Variants in CEP63 observed in about 807,000 individuals in gnomAD.
The protein encoded by CEP63 is centrosomal protein 63, also known as centrosomal protein of 63 kDa.
In CEP63, 84 loss-of-function variants were observed where a neutral mutation model predicts 89.1. The ratio of observed to expected loss-of-function variants is 0.94; its 90% confidence interval spans 0.79 to 1.13. The LOEUF is 1.13. Ranked by LOEUF, CEP63 falls within the 50% of genes most tolerant of loss-of-function variation. The probability of loss-of-function intolerance (pLI) is 0.00; values close to 1 mark genes in which losing one functional copy is unlikely to be tolerated. For missense variants in CEP63, 838 were observed against 813.3 expected, an observed-to-expected ratio of 1.03 and a Z score of -0.37; for synonymous variants, 267 against 272.5, an observed-to-expected ratio of 0.98 and a Z score of 0.20.
the CEP63 span, chr3:134,610,302 C>T: frequency 6.2e-7 from 1 of 1,613,756 alleles, no homozygotes; most frequent in Non-Finnish European, 8.5e-7. Flanking sequence ...CATGGTCAAA[C>T]TCCCCCGAGA....
chr3:134,610,631 C>T, the CEP63 span: 8 of 464,766 alleles, frequency 1.7e-5, no homozygotes, highest in Admixed American at 7.6e-5. Flanking sequence ...TCTGCTCCTC[C>T]CCTGAGACCA....
the CEP63 span, among the ~76,000 whole-genome samples, chr3:134,602,848 C>T: frequency 3.9e-5 from 6 of 152,252 alleles, no homozygotes; most frequent in South Asian, 1.0e-3. Flanking sequence ...TGCACAGCCA[C>T]AGCGGGCATG....
intron 10 of CEP63, among the ~76,000 whole-genome samples, chr3:134,584,027 G>A (rs1345006663): frequency 3.3e-5 from 5 of 152,178 alleles, no homozygotes; most frequent in African/African-American, 1.2e-4. Flanking sequence ...CATTGATTTT[G>A]TATCCTGAGA....
the CEP63 span, among the ~76,000 whole-genome samples, chr3:134,633,835 G>T: frequency 6.6e-6 from 1 of 152,108 alleles, no homozygotes; most frequent in Non-Finnish European, 1.5e-5. Flanking sequence ...CAGTTGATAT[G>T]TCTGTCTACA....
chr3:134,672,256 G>A, the CEP63 span, among the ~76,000 whole-genome samples: 18 of 152,212 alleles, frequency 1.2e-4, 1 homozygote, highest in East Asian at 7.7e-4. Flanking sequence ...CATCTGCCTC[G>A]TTAGGTTATT....
At chr3:134,577,415 GGCCTT>G (rs1432521938), downstream of CEP63, among the ~76,000 whole-genome samples, 1 of 145,124 alleles carries the variant, frequency 6.9e-6, no homozygotes. Context: ...ACTTTTTTGT[GGCCTT>G]TTCTAATCCA....
rs1954474921 is a variant in CEP63 at position 134,550,109 on chromosome 3, T to G, written c.1229T>G (p.Leu410Arg). 1 of 1,613,914 alleles carries G rather than the reference T, an allele frequency of 6.2e-7. No individual in the cohort carries two copies. The highest frequency in any genetic ancestry group is 8.5e-7 in the Non-Finnish European group (1 of 1,179,916). ...GGTGAACAAAGTTACAGTTCTGCACTAGAAGGAATGAAGATGGAAATCTCC... is the reference window on the plus strand; with the variant it reads ...GGTGAACAAAGTTACAGTTCTGCACGAGAAGGAATGAAGATGGAAATCTCC... ...LQGEQSYSSA[L>R]EGMKMEISHL... Residue 410 changes from leucine to arginine, a missense_variant, in exon 11 of 15, where the codon CTA becomes CGA. Physicochemically the swap from Leu to Arg is moderately radical, Grantham distance 102 (BLOSUM62 -2). Coordinates refer to ENST00000675561, the MANE Select transcript of CEP63 (RefSeq NM_001353108.3).
chr3:134,546,384 G>T, intron 8 of CEP63, 96 bp downstream of exon 8: 1 of 1,181,738 alleles, frequency 8.5e-7, no homozygotes, highest in Non-Finnish European at 1.2e-6. Flanking sequence ...TTTATTTTCA[G>T]ATAGTCTCCT....
At chr3:134,486,267 A>G in intron 1 of CEP63, 65 bp downstream of exon 1, 2 of 985,436 alleles carry the variant, frequency 2.0e-6, no homozygotes, top group African/African-American at 3.5e-5. Context: ...CGCAAGTTGG[A>G]GGGGCAAGGG....
chr3:134,539,623 G>T (rs775396362), intron 6 of CEP63, among the ~76,000 whole-genome samples: 1 of 151,758 alleles, frequency 6.6e-6, no homozygotes, highest in Non-Finnish European at 1.5e-5. Context: ...TTGAAAGGTG[G>T]GTCACCATTG....
At chr3:134,727,855 G>T in the CEP63 span, among the ~76,000 whole-genome samples, 149,433 of 152,296 alleles carry the variant, frequency 0.98, 73,369 homozygotes, top group East Asian at 1. Flanking sequence ...GGAATATGGG[G>T]GTTTGTTGTA....
chr3:134,687,073 G>A, the CEP63 span, among the ~76,000 whole-genome samples: 62 of 152,270 alleles, frequency 4.1e-4, 1 homozygote, highest in African/African-American at 1.4e-3. Flanking sequence ...CAACCATGCT[G>A]GTGCTCACTT....
chr3:134,561,933 G>A lies in CEP63; in HGVS notation c.*398G>A, dbSNP rs1957384304. On this transcript the variant is annotated 3_prime_UTR_variant, in exon 15 of 15. Coordinates refer to ENST00000675561, the MANE Select transcript of CEP63 (RefSeq NM_001353108.3). ...GAAATGTGTAGAAGCATGGATTTAG[G>A]GGTCAAACATACCTGGATCGATAGA... 9.6e-7 allele frequency: 1 copy of A among 1,045,118 alleles called. No homozygotes were observed. The highest frequency in any genetic ancestry group is 1.7e-5 in the African/African-American group (1 of 57,940). The allele number at this position is 1,045,118 out of a possible 1,614,324, so 64.7% of individuals were successfully genotyped here.
the CEP63 span, among the ~76,000 whole-genome samples, chr3:134,758,219 G>A: frequency 6.6e-6 from 1 of 152,198 alleles, no homozygotes; most frequent in East Asian, 1.9e-4. Flanking sequence ...CATGAGGTTA[G>A]GAACTGGGTC....
chr3:134,712,180 G>GT, the CEP63 span, among the ~76,000 whole-genome samples: 5 of 152,032 alleles, frequency 3.3e-5, no homozygotes, highest in East Asian at 7.7e-4. Flanking sequence ...GTCTTTGTTT[G>GT]TTTTTTTAAA....
exon 11 of CEP63, among the ~76,000 whole-genome samples, chr3:134,587,758 C>T (rs185998668): frequency 2.6e-5 from 4 of 152,118 alleles, no homozygotes; most frequent in Admixed American, 2.0e-4. Context: ...CAGAAATCAC[C>T]TGTCTTCTCC....
At position 134,546,143 on chromosome 3, in the gene CEP63, T is replaced by C. The variant is rs1953263043; in HGVS notation, c.790-6T>C. On this transcript the variant is annotated splice_polypyrimidine_tract_variant and splice_region_variant and intron_variant, in intron 7 of 14. Coordinates refer to ENST00000675561, the MANE Select transcript of CEP63 (RefSeq NM_001353108.3). ...AAAATTATAATCATATTTGACTTTT[T>C]TGCAGGCTCTGCAGGAAGAAAAGAG... is the stretch of plus-strand genomic sequence containing the variant. 6.2e-7 allele frequency: 1 copy of C among 1,613,690 alleles called. No homozygotes were observed. Among genetic ancestry groups the C allele is most frequent in the Non-Finnish European group, 8.5e-7 (1 of 1,179,874 alleles).
the CEP63 span, chr3:134,651,688 A>T: frequency 1.1e-6 from 1 of 879,866 alleles, no homozygotes. Context: ...ATCCTCTTTG[A>T]TCTGAAACGA....
At chr3:134,513,454 G>A (rs1229185028) in intron 3 of CEP63, among the ~76,000 whole-genome samples, 3 of 152,222 alleles carry the variant, frequency 2.0e-5, no homozygotes, top group Middle Eastern at 3.4e-3. Context: ...TCCACTCACC[G>A]AGGACAAATA....
Sources: gnomAD v4.1 joint callset for allele counts (sites outside exome capture counted in the v4.1 genomes callset) on GRCh38, gnomAD v4.1.1 for gene constraint, MANE v1.5 for transcripts, NCBI Gene and HGNC (gene_info 2026-07-23, HGNC 2026-07-21) for gene names.